Variants in PTPRD observed in about 807,000 individuals in gnomAD.
The protein encoded by PTPRD is protein tyrosine phosphatase receptor type D.
PTPRD carries 34 observed loss-of-function variants against 214.5 expected under a neutral mutation model. That is an observed-to-expected ratio of 0.16 (90% CI 0.12 to 0.21). PTPRD has a LOEUF of 0.21. PTPRD is among the 10% of genes least tolerant of loss of function. PTPRD has a pLI of 1.00. For synonymous variants in PTPRD, 1,128 were observed against 845.7 expected (o/e 1.33, Z -5.79); for missense variants, 2,545 against 2,398.7 (o/e 1.06, Z -1.27).
chr9:8,880,103 T>C lies in PTPRD; in HGVS notation c.-104+138594A>G, dbSNP rs996239274. ...GCCTTTCAAATAACAGCTCAGGGAT[T>C]CCTGGGTGAAAAGTAGCTAAACCAT... On this transcript the variant is annotated intron_variant, in intron 11 of 45. Transcript: ENST00000381196. Among the ~76,000 whole-genome samples, 4 of 152,290 alleles carry C rather than the reference T, an allele frequency of 2.6e-5. No homozygotes were observed. In the South Asian group the frequency reaches 8.3e-4, roughly 32 times the overall value.
intron 5 of PTPRD, among the ~76,000 whole-genome samples, chr9:9,881,488 G>A (rs1015200470): frequency 3.3e-5 from 5 of 152,116 alleles, no homozygotes; most frequent in South Asian, 2.1e-4. Context: ...CTCCTCCACC[G>A]CATCTTCATC....
chr9:9,707,488 C>G (rs759523323), intron 7 of PTPRD, among the ~76,000 whole-genome samples: 2 of 151,896 alleles, frequency 1.3e-5, no homozygotes, highest in South Asian at 2.1e-4. Flanking sequence ...ACAATAGAAC[C>G]GGTACAAATA....
At chr9:9,916,313 A>G (rs933700738) in intron 5 of PTPRD, among the ~76,000 whole-genome samples, 1 of 151,960 alleles carries the variant, frequency 6.6e-6, no homozygotes, top group Admixed American at 6.6e-5. Flanking sequence ...ACACAGGAGA[A>G]AGAGAAAAGA....
At chr9:8,747,467 C>A (rs1330366210) in intron 11 of PTPRD, among the ~76,000 whole-genome samples, 1 of 152,000 alleles carries the variant, frequency 6.6e-6, no homozygotes, top group Non-Finnish European at 1.5e-5. Flanking sequence ...CAGTCTTACA[C>A]TGCAGGGGTC....
At chr9:9,081,778 T>C (rs908498927) in intron 10 of PTPRD, among the ~76,000 whole-genome samples, 2 of 152,082 alleles carry the variant, frequency 1.3e-5, no homozygotes, top group African/African-American at 4.8e-5. Flanking sequence ...TTGATCTTTG[T>C]TGGTTTAAAG....
chr9:9,771,284 G>A (rs1227822744), intron 5 of PTPRD, among the ~76,000 whole-genome samples: 1 of 151,900 alleles, frequency 6.6e-6, no homozygotes, highest in Non-Finnish European at 1.5e-5. Flanking sequence ...TTCTTTTAAG[G>A]TATCTGATAG....
In PTPRD at chr9:10,497,856, T is replaced by TA. The variant is rs577746938; in HGVS notation, c.-600+114541dup. On this transcript the variant is annotated intron_variant, in intron 2 of 45. Transcript: ENST00000381196. ...AAAAATATCCACAGTCTTCTGACTATAAAAAACAGTATTAATAGTAAACAA... is the reference window on the plus strand; with the variant it reads ...AAAAATATCCACAGTCTTCTGACTATAAAAAAACAGTATTAATAGTAAACAA... Among the ~76,000 whole-genome samples, 7 of 152,138 alleles carry TA rather than the reference T, an allele frequency of 4.6e-5. No individual in the cohort carries two copies. In the South Asian group the frequency reaches 8.3e-4, roughly 18 times the overall value.
intron 14 of PTPRD, among the ~76,000 whole-genome samples, chr9:8,610,515 A>T (rs927476090): frequency 1.2e-4 from 18 of 152,190 alleles, no homozygotes; most frequent in African/African-American, 4.3e-4. Flanking sequence ...ACTAAAAACC[A>T]AGGGCTGATG....
chr9:8,346,170 C>T (rs1464976872), intron 39 of PTPRD, among the ~76,000 whole-genome samples: 1 of 148,926 alleles, frequency 6.7e-6, no homozygotes, highest in Non-Finnish European at 1.5e-5. Context: ...TGCCTCTTAC[C>T]CTGCAAAATA....
At chr9:10,451,105 T>G (rs1342205446) in intron 2 of PTPRD, among the ~76,000 whole-genome samples, 1 of 151,902 alleles carries the variant, frequency 6.6e-6, no homozygotes, top group Non-Finnish European at 1.5e-5. Flanking sequence ...GTTTTAAAAG[T>G]ATTTAAGTAT....
At chr9:8,978,229 T>A (rs970852460) in intron 11 of PTPRD, among the ~76,000 whole-genome samples, 1 of 152,178 alleles carries the variant, frequency 6.6e-6, no homozygotes, top group Non-Finnish European at 1.5e-5. Flanking sequence ...TTTATCTCAG[T>A]CTCAAAGGGT....
intron 10 of PTPRD, among the ~76,000 whole-genome samples, chr9:9,183,019 T>G (rs933136766): frequency 1.3e-5 from 2 of 151,970 alleles, no homozygotes; most frequent in Admixed American, 6.6e-5. Flanking sequence ...AACCGATTGT[T>G]AGATTTCCCC....
chr9:10,216,355 G>C lies in PTPRD; in HGVS notation c.-545+124608C>G, dbSNP rs1014102008. Among the ~76,000 whole-genome samples the C allele has an allele frequency of 4.6e-5, 7 of 151,626 alleles. No individual in the cohort carries two copies. The East Asian group carries it at 1.4e-3, about 29-fold the overall frequency. On this transcript the variant is annotated intron_variant, in intron 3 of 45. Transcript: ENST00000381196. ...TATTGATATTCTATTTCTTAATCTA[G>C]GGTATAGATACAGGTGGGGGTTCAC...
chr9:8,761,737 A>G (rs2094428278), intron 11 of PTPRD, among the ~76,000 whole-genome samples: 1 of 152,218 alleles, frequency 6.6e-6, no homozygotes, highest in Admixed American at 6.5e-5. Flanking sequence ...AAATGAAAAG[A>G]TGTAGGGTCT....
At chr9:10,173,399 C>T (rs1405477525) in intron 3 of PTPRD, among the ~76,000 whole-genome samples, 1 of 151,990 alleles carries the variant, frequency 6.6e-6, no homozygotes, top group East Asian at 1.9e-4. Flanking sequence ...AAGTGATTTG[C>T]CCGTAGTGAC....
At chr9:9,934,406 C>A (rs932568363) in intron 5 of PTPRD, among the ~76,000 whole-genome samples, 1 of 137,750 alleles carries the variant, frequency 7.3e-6, no homozygotes, top group Non-Finnish European at 1.6e-5. Flanking sequence ...CGCCACCGAT[C>A]CCACAGAAAG....
chr9:9,970,306 C>T (rs370655498), intron 4 of PTPRD, among the ~76,000 whole-genome samples: 21 of 151,410 alleles, frequency 1.4e-4, no homozygotes, highest in East Asian at 3.9e-4. Flanking sequence ...AAACATTAGC[C>T]GGGCGTGGTG....
intron 14 of PTPRD, among the ~76,000 whole-genome samples, chr9:8,609,480 T>A (rs2095362401): frequency 6.6e-6 from 1 of 152,110 alleles, no homozygotes; most frequent in African/African-American, 2.4e-5. Flanking sequence ...TAAACTAAAT[T>A]AATATGTGAC....
chr9:8,760,598 C>CTGTGTGTGTGTGTG (rs34488235), intron 11 of PTPRD, among the ~76,000 whole-genome samples: 1 of 145,008 alleles, frequency 6.9e-6, no homozygotes, highest in African/African-American at 2.5e-5. Flanking sequence ...CTCTCTCTGT[C>CTGTGTGTGTGTGTG]TGTGTGTGTG....
Sources: gnomAD v4.1 joint callset for allele counts (sites outside exome capture counted in the v4.1 genomes callset) on GRCh38, gnomAD v4.1.1 for gene constraint, MANE v1.5 for transcripts, NCBI Gene and HGNC (gene_info 2026-07-23, HGNC 2026-07-21) for gene names.